Variants in GLIS1 observed in about 807,000 individuals in gnomAD.
The protein encoded by GLIS1 is GLIS family zinc finger 1, also known as zinc finger protein GLIS1.
In GLIS1, 24 loss-of-function variants were observed where a neutral mutation model predicts 63.8. The ratio of observed to expected loss-of-function variants is 0.38; its 90% confidence interval spans 0.27 to 0.53. The LOEUF is 0.53. Ranked by LOEUF, GLIS1 falls within the 20% of genes least tolerant of loss-of-function variation. The pLI is 0.85. For synonymous variants in GLIS1, 450 were observed against 482.5 expected (o/e 0.93, Z 0.88); for missense variants, 1,036 against 1,074.1 (o/e 0.96, Z 0.50).
intron 4 of GLIS1, among the ~76,000 whole-genome samples, chr1:53,577,225 G>A (rs1251339114): frequency 6.6e-6 from 1 of 151,644 alleles, no homozygotes; most frequent in Non-Finnish European, 1.5e-5. Flanking sequence ...ACCCCCCTGG[G>A]GCCCTCTGGC....
At chr1:53,541,983 G>A (rs1398893621) in intron 4 of GLIS1, among the ~76,000 whole-genome samples, 1 of 150,562 alleles carries the variant, frequency 6.6e-6, no homozygotes, top group African/African-American at 2.5e-5. Context: ...ACTCACCAAA[G>A]CTAAGGAAGG....
At chr1:53,553,778 A>G (rs1431876640) in intron 4 of GLIS1, among the ~76,000 whole-genome samples, 2 of 151,926 alleles carry the variant, frequency 1.3e-5, no homozygotes, top group Non-Finnish European at 2.9e-5. Flanking sequence ...AGAATTTTGG[A>G]TAAAGGGAAT....
At chr1:53,618,224 T>A (rs1645503298) in intron 2 of GLIS1, among the ~76,000 whole-genome samples, 1 of 152,118 alleles carries the variant, frequency 6.6e-6, no homozygotes, top group Admixed American at 6.5e-5. Flanking sequence ...AACTTCCCCT[T>A]CTCCCGCTGT....
chr1:53,585,613 C>A (rs1358759260), intron 4 of GLIS1, among the ~76,000 whole-genome samples: 2 of 152,072 alleles, frequency 1.3e-5, no homozygotes, highest in African/African-American at 4.8e-5. Flanking sequence ...GGAAGGAGGG[C>A]ATCCAGCAAA....
At chr1:53,693,987 C>T (rs1301948567) in intron 2 of GLIS1, among the ~76,000 whole-genome samples, 2 of 152,242 alleles carry the variant, frequency 1.3e-5, no homozygotes, top group Admixed American at 6.5e-5. Context: ...CCAGGCCTGA[C>T]GGTGGGCACT....
intron 2 of GLIS1, among the ~76,000 whole-genome samples, chr1:53,653,698 G>A (rs756436562): frequency 1.3e-5 from 2 of 152,132 alleles, no homozygotes; most frequent in Non-Finnish European, 2.9e-5. Context: ...TTTTATCCAG[G>A]GAGACACTGC....
chr1:53,663,940 C>G (rs201281150), intron 2 of GLIS1, among the ~76,000 whole-genome samples: 2 of 151,942 alleles, frequency 1.3e-5, no homozygotes, highest in Admixed American at 6.6e-5. Context: ...AAAGACTAGC[C>G]GGGGGGCTCT....
chr1:53,650,375 A>C (rs1174843540), intron 2 of GLIS1, among the ~76,000 whole-genome samples: 1 of 152,218 alleles, frequency 6.6e-6, no homozygotes, highest in Non-Finnish European at 1.5e-5. Context: ...GGATCACCTG[A>C]AGTCAGGAGT....
chr1:53,603,644 G>C (rs1645341002), intron 2 of GLIS1, among the ~76,000 whole-genome samples: 1 of 152,226 alleles, frequency 6.6e-6, no homozygotes, highest in Non-Finnish European at 1.5e-5. Context: ...CATCTCCAGA[G>C]AGCATGGATG....
At chr1:53,614,429 G>A (rs868491352) in intron 2 of GLIS1, among the ~76,000 whole-genome samples, 3 of 152,100 alleles carry the variant, frequency 2.0e-5, no homozygotes, top group East Asian at 1.9e-4. Flanking sequence ...GTTCCAGGGC[G>A]GGAACACAGG....
chr1:53,726,006 CAT>C (rs1471834532), intron 2 of GLIS1, among the ~76,000 whole-genome samples: 1 of 152,226 alleles, frequency 6.6e-6, no homozygotes, highest in Non-Finnish European at 1.5e-5. Flanking sequence ...GCGTTCATGA[CAT>C]ATCCTGCTTC....
intron 2 of GLIS1, among the ~76,000 whole-genome samples, chr1:53,648,188 A>C (rs1030457888): frequency 1.3e-5 from 2 of 152,300 alleles, no homozygotes; most frequent in South Asian, 4.1e-4. Context: ...AAAAATAAAA[A>C]TTAAAAAAAA....
rs796469595 is a variant in GLIS1, at chr1:53,539,244, T to TCACA, written c.1321-9296_1321-9293dup. Reference sequence around the variant, plus strand: ...CACACACCAACACACACACATGGATTCACACACACACACACACCAAGACCC... The same window carrying TCACA: ...CACACACCAACACACACACATGGATTCACACACACACACACACACACCAAGACCC... On this transcript the variant is annotated intron_variant, in intron 4 of 10. Transcript: ENST00000628545. The surrounding 1 kb of genome is among the most constrained non-coding windows in gnomAD (Gnocchi z 5.0). 3.7e-5 allele frequency among the ~76,000 whole-genome samples: 4 copies of TCACA among 109,218 alleles called. No individual in the cohort carries two copies. In the Admixed American group the frequency reaches 3.7e-4, roughly 10 times the overall value. 71.7% of individuals were successfully genotyped at this position (109,218 alleles called of 152,430 possible).
intron 3 of GLIS1, among the ~76,000 whole-genome samples, chr1:53,597,290 G>A (rs947017032): frequency 2.0e-5 from 3 of 148,516 alleles, no homozygotes; most frequent in Non-Finnish European, 3.0e-5. Context: ...GGAGAATGGC[G>A]TGAACCCGGG....
intron 6 of GLIS1, among the ~76,000 whole-genome samples, chr1:53,522,986 C>CTT (rs1553120127): frequency 6.9e-5 from 3 of 43,698 alleles, no homozygotes; most frequent in Admixed American, 3.1e-4. Flanking sequence ...TCTTTTCTTT[C>CTT]TTTTTTTTTT....
At chr1:53,654,422 G>T (rs1483579201) in intron 2 of GLIS1, among the ~76,000 whole-genome samples, 2 of 152,196 alleles carry the variant, frequency 1.3e-5, no homozygotes, top group Non-Finnish European at 2.9e-5. Flanking sequence ...AATCTGGGGT[G>T]CCGCCTGGGT....
chr1:53,727,949 T>C (rs1310302472), intron 2 of GLIS1, among the ~76,000 whole-genome samples: 1 of 152,240 alleles, frequency 6.6e-6, no homozygotes, highest in Non-Finnish European at 1.5e-5. Context: ...GCTTACCATA[T>C]GTTCAACCTT....
intron 2 of GLIS1, among the ~76,000 whole-genome samples, chr1:53,712,822 A>G (rs1183680919): frequency 1.3e-5 from 2 of 152,162 alleles, no homozygotes; most frequent in African/African-American, 2.4e-5. Context: ...AAGAGCCATC[A>G]TCGGCGGTGG....
chr1:53,739,085 C>G lies in GLIS1; in HGVS notation c.-43+20G>C, dbSNP rs1646941859. Among the ~76,000 whole-genome samples, 1 of 151,828 alleles carries G rather than the reference C, an allele frequency of 6.6e-6. No homozygotes were observed. Among genetic ancestry groups the G allele is most frequent in the Non-Finnish European group, 1.5e-5 (1 of 67,912 alleles). On this transcript the variant is annotated intron_variant, in intron 1 of 10. Coordinates refer to ENST00000628545, the MANE Select transcript of GLIS1 (RefSeq NM_001367484.1). Reference sequence around the variant, plus strand: ...CCCGCACACGCCCCTCCCTCGGCCGCGGGCCGCGCCCCCTCTCACCTCGCA... The same window carrying G: ...CCCGCACACGCCCCTCCCTCGGCCGGGGGCCGCGCCCCCTCTCACCTCGCA...
Sources: gnomAD v4.1 joint callset for allele counts (sites outside exome capture counted in the v4.1 genomes callset) on GRCh38, gnomAD v4.1.1 for gene constraint, Gnocchi (gnomAD v3.1) non-coding constraint, MANE v1.5 for transcripts, NCBI Gene and HGNC (gene_info 2026-07-23, HGNC 2026-07-21) for gene names.